Variants in ME1 observed in about 807,000 individuals in gnomAD.
ME1 encodes NADP-dependent malic enzyme.
Under a neutral mutation model 66.4 loss-of-function variants are expected in ME1, and 74 were observed. That is an observed-to-expected ratio of 1.11 (90% CI 0.92 to 1.35). ME1 has a LOEUF of 1.35. ME1 is among the 40% of genes most tolerant of loss of function. The probability of loss-of-function intolerance (pLI) is 0.00; values close to 1 mark genes in which losing one functional copy is unlikely to be tolerated. For synonymous variants in ME1, 251 were observed against 235.6 expected (o/e 1.07, Z -0.60); for missense variants, 750 against 694.1 (o/e 1.08, Z -0.90).
At chr6:83,349,231 G>T (rs1443665698) in intron 4 of ME1, among the ~76,000 whole-genome samples, 1 of 151,958 alleles carries the variant, frequency 6.6e-6, no homozygotes, top group African/African-American at 2.4e-5. Context: ...ATATAAAAGA[G>T]TAGATTTTAA....
At chr6:83,407,962 C>T in intron 1 of ME1, 61 bp from the exon 2 acceptor site, 2 of 1,496,202 alleles carry the variant, frequency 1.3e-6, no homozygotes, top group Non-Finnish European at 8.9e-7. Context: ...AGACAAAAAG[C>T]ATACATATAA....
At chr6:83,220,567 A>T (rs552534197) in intron 12 of ME1, among the ~76,000 whole-genome samples, 2 of 152,352 alleles carry the variant, frequency 1.3e-5, no homozygotes, top group African/African-American at 4.8e-5. Flanking sequence ...TATTTTGACA[A>T]TAATCCTAAC....
intron 5 of ME1, among the ~76,000 whole-genome samples, chr6:83,343,181 A>G (rs1293637819): frequency 6.6e-6 from 1 of 152,010 alleles, no homozygotes; most frequent in Non-Finnish European, 1.5e-5. Context: ...TGACATACAC[A>G]CACCCTTCCC....
intron 7 of ME1, among the ~76,000 whole-genome samples, chr6:83,247,527 G>GT (rs1422161289): frequency 6.6e-6 from 1 of 150,420 alleles, no homozygotes; most frequent in South Asian, 2.1e-4. Flanking sequence ...TAACAAATGT[G>GT]TTTAAAAAAA....
At chr6:83,221,527 G>T (rs1178010634) in intron 12 of ME1, among the ~76,000 whole-genome samples, 1 of 152,136 alleles carries the variant, frequency 6.6e-6, no homozygotes, top group Non-Finnish European at 1.5e-5. Flanking sequence ...TGCCTGCTTG[G>T]AAAGGGGGTA....
intron 3 of ME1, among the ~76,000 whole-genome samples, chr6:83,395,396 C>T (rs560926089): frequency 4.0e-5 from 6 of 150,564 alleles, no homozygotes; most frequent in African/African-American, 1.5e-4. Flanking sequence ...CAATCTCTTT[C>T]AAAACAAAAA....
chr6:83,364,335 G>A (rs1353764268), intron 3 of ME1, among the ~76,000 whole-genome samples: 4 of 152,128 alleles, frequency 2.6e-5, no homozygotes, highest in Non-Finnish European at 5.9e-5. Flanking sequence ...TCCTCAGCCT[G>A]CAGACAGCCT....
rs560105751 is a variant in ME1 at position 83,349,778 on chromosome 6, A to G, written c.438+2286T>C. On this transcript the variant is annotated intron_variant, in intron 4 of 13. Transcript: ENST00000369705. ...CTTTCTGAATTTCAAAACCTTTTACAGTAATTTGATTACCCCTTAAACAAT... is the reference window on the plus strand; with the variant it reads ...CTTTCTGAATTTCAAAACCTTTTACGGTAATTTGATTACCCCTTAAACAAT... 4.6e-5 allele frequency among the ~76,000 whole-genome samples: 7 copies of G among 152,300 alleles called. No individual in the cohort carries two copies. In the South Asian group the frequency reaches 1.2e-3, roughly 27 times the overall value.
intron 5 of ME1, among the ~76,000 whole-genome samples, chr6:83,322,405 T>G (rs1768197515): frequency 6.6e-6 from 1 of 151,972 alleles, no homozygotes; most frequent in Non-Finnish European, 1.5e-5. Flanking sequence ...CTAAGAACCT[T>G]GATAAAAGGT....
At chr6:83,347,533 A>G (rs1768712703) in intron 4 of ME1, among the ~76,000 whole-genome samples, 1 of 152,194 alleles carries the variant, frequency 6.6e-6, no homozygotes, top group South Asian at 2.1e-4. Context: ...GGAGTAATAA[A>G]GGTACTTTTC....
intron 12 of ME1, among the ~76,000 whole-genome samples, chr6:83,221,477 TGAGGGA>T (rs1419004360): frequency 2.6e-5 from 4 of 152,096 alleles, no homozygotes; most frequent in African/African-American, 9.7e-5. Flanking sequence ...GGCTATGGGA[TGAGGGA>T]GAATGAAAAG....
chr6:83,215,566 T>C (rs1407998317), intron 13 of ME1, among the ~76,000 whole-genome samples: 4 of 152,182 alleles, frequency 2.6e-5, no homozygotes, highest in African/African-American at 7.2e-5. Flanking sequence ...TTTAAGGAGA[T>C]AATTAAGTTA....
At chr6:83,258,198 T>C (rs1002847014) in intron 6 of ME1, among the ~76,000 whole-genome samples, 1 of 152,190 alleles carries the variant, frequency 6.6e-6, no homozygotes, top group Non-Finnish European at 1.5e-5. Context: ...CCTTATCATT[T>C]ACAAAAGTTT....
At chr6:83,272,002 A>T (rs1422768231) in intron 6 of ME1, among the ~76,000 whole-genome samples, 4 of 152,206 alleles carry the variant, frequency 2.6e-5, no homozygotes, top group Non-Finnish European at 5.9e-5. Flanking sequence ...CCTTCGTGTT[A>T]CAAACAATCC....
At chr6:83,257,110 G>T (rs1381853269) in intron 6 of ME1, among the ~76,000 whole-genome samples, 1 of 151,894 alleles carries the variant, frequency 6.6e-6, no homozygotes, top group Non-Finnish European at 1.5e-5. Context: ...GTTGATGGGT[G>T]CAGCAAACCA....
At chr6:83,232,710 A>G (rs1343999738) in intron 9 of ME1, among the ~76,000 whole-genome samples, 1 of 152,246 alleles carries the variant, frequency 6.6e-6, no homozygotes, top group Non-Finnish European at 1.5e-5. Context: ...AGGCAGCACC[A>G]GTCAAAAATT....
chr6:83,388,089 TCC>T (rs1769547582), intron 3 of ME1, among the ~76,000 whole-genome samples: 7 of 135,750 alleles, frequency 5.2e-5, no homozygotes, highest in South Asian at 2.2e-4. Flanking sequence ...CTTCCTTCCT[TCC>T]TTTTTTTTTT....
At chr6:83,217,557 C>A (rs1022915486) in intron 12 of ME1, among the ~76,000 whole-genome samples, 1 of 151,798 alleles carries the variant, frequency 6.6e-6, no homozygotes, top group African/African-American at 2.4e-5. Flanking sequence ...TAACAGAGTA[C>A]GGGAAGAAAA....
intron 11 of ME1, among the ~76,000 whole-genome samples, chr6:83,225,395 A>G (rs1009525564): frequency 6.6e-6 from 1 of 152,110 alleles, no homozygotes; most frequent in Non-Finnish European, 1.5e-5. Context: ...ATCTATTTGA[A>G]AAGTCTAAAG....
Sources: gnomAD v4.1 joint callset for allele counts (sites outside exome capture counted in the v4.1 genomes callset) on GRCh38, gnomAD v4.1.1 for gene constraint, MANE v1.5 for transcripts, NCBI Gene and HGNC (gene_info 2026-07-23, HGNC 2026-07-21) for gene names.